CIROZ: variants seen among roughly 807,000 people sequenced by gnomAD.
The protein encoded by CIROZ is ciliated left-right organizer ZP-N domains-containing protein.
chr1:10,950,030 CTTTTTTTTTTTT>C, the CIROZ span, among the ~76,000 whole-genome samples: 2 of 101,688 alleles, frequency 2.0e-5, no homozygotes, highest in African/African-American at 8.9e-5. Context: ...CATCAAGATT[CTTTTTTTTTTTT>C]TTTTTTTTTT....
chr1:10,977,725 C>T, the CIROZ span, among the ~76,000 whole-genome samples: 1 of 152,148 alleles, frequency 6.6e-6, no homozygotes, highest in Admixed American at 6.6e-5. Context: ...GTTGCATTGC[C>T]ATAGGTTCTC....
the CIROZ span, among the ~76,000 whole-genome samples, chr1:10,967,374 T>C: frequency 2.3e-3 from 355 of 152,116 alleles, 3 homozygotes; most frequent in African/African-American, 8.2e-3. Flanking sequence ...AACTCTCTTC[T>C]CCTAGATATC....
At chr1:10,965,890 T>C in the CIROZ span, among the ~76,000 whole-genome samples, 9 of 152,026 alleles carry the variant, frequency 5.9e-5, no homozygotes, top group African/African-American at 2.2e-4. Flanking sequence ...TCACATGGTC[T>C]CGTGAGCCCA....
the CIROZ span, among the ~76,000 whole-genome samples, chr1:10,978,727 C>A: frequency 6.6e-6 from 1 of 151,902 alleles, no homozygotes; most frequent in Non-Finnish European, 1.5e-5. Flanking sequence ...AAGAAAGAGT[C>A]CCATGCAAAG....
the CIROZ span, chr1:10,957,546 A>G: frequency 1.3e-6 from 2 of 1,578,360 alleles, 1 homozygote; most frequent in South Asian, 2.3e-5. Flanking sequence ...AGGGGTGGCA[A>G]CCTGCTCTTC....
chr1:10,947,669 T>G, the CIROZ span: 5 of 1,498,672 alleles, frequency 3.3e-6, no homozygotes, highest in Non-Finnish European at 4.5e-6. Flanking sequence ...AGGCTCAGCG[T>G]GAGGGCCTCT....
At chr1:10,974,521 G>A in the CIROZ span, among the ~76,000 whole-genome samples, 7 of 152,254 alleles carry the variant, frequency 4.6e-5, no homozygotes, top group Admixed American at 1.3e-4. The surrounding 1 kb of genome is among the most constrained non-coding windows in gnomAD (Gnocchi z 4.4). Flanking sequence ...TGAACACTCC[G>A]TGGGAAGACC....
chr1:10,951,578 A>G, the CIROZ span, among the ~76,000 whole-genome samples: 1 of 150,776 alleles, frequency 6.6e-6, no homozygotes, highest in African/African-American at 2.4e-5. Context: ...TTTAAAAACT[A>G]GCTTGGTATG....
At chr1:10,947,635 G>C in the CIROZ span, 1 of 1,445,630 alleles carries the variant, frequency 6.9e-7, no homozygotes, top group South Asian at 1.6e-5. Context: ...GGTGCACCCA[G>C]GACTCACCCT....
At chr1:10,954,938 G>C in the CIROZ span, 1 of 1,528,264 alleles carries the variant, frequency 6.5e-7, no homozygotes, top group Admixed American at 1.9e-5. Flanking sequence ...GACCAAAGGA[G>C]AAGGGCCTCA....
chr1:10,949,830 C>T, the CIROZ span: 4 of 1,529,688 alleles, frequency 2.6e-6, no homozygotes, highest in East Asian at 2.5e-5. Flanking sequence ...AGAGAGAAGA[C>T]AGAGGTCAGC....
chr1:10,969,610 A>G, the CIROZ span, among the ~76,000 whole-genome samples: 1 of 152,140 alleles, frequency 6.6e-6, no homozygotes. Flanking sequence ...ACAAATATTT[A>G]TTGGGAATCT....
chr1:10,980,682 G>A, the CIROZ span, among the ~76,000 whole-genome samples: 5 of 152,190 alleles, frequency 3.3e-5, no homozygotes, highest in Non-Finnish European at 5.9e-5. Flanking sequence ...GGTGGCAGGT[G>A]GGGGGTAGAC....
chr1:10,972,755 A>G, the CIROZ span, among the ~76,000 whole-genome samples: 1 of 152,102 alleles, frequency 6.6e-6, no homozygotes, highest in Non-Finnish European at 1.5e-5. Context: ...AGCAACTGGG[A>G]AGTAAATTCT....
At chr1:10,962,972 T>C in the CIROZ span, among the ~76,000 whole-genome samples, 8 of 151,818 alleles carry the variant, frequency 5.3e-5, no homozygotes, top group African/African-American at 1.7e-4. Flanking sequence ...ATTTGAACAT[T>C]AGCTGGGCAT....
the CIROZ span, chr1:10,970,157 A>AAGG: frequency 1.5e-6 from 2 of 1,335,966 alleles, no homozygotes; most frequent in East Asian, 5.2e-5. Flanking sequence ...AGGAAGGAAG[A>AAGG]AAGGAAGGAA....
the CIROZ span, among the ~76,000 whole-genome samples, chr1:10,951,609 C>A: frequency 6.6e-6 from 1 of 150,874 alleles, no homozygotes; most frequent in African/African-American, 2.4e-5. Flanking sequence ...CCTATAATCC[C>A]AGCTACTCAG....
the CIROZ span, among the ~76,000 whole-genome samples, chr1:10,979,929 C>T: frequency 6.6e-6 from 1 of 152,112 alleles, no homozygotes; most frequent in Non-Finnish European, 1.5e-5. Context: ...TGCCTGTAAT[C>T]CCAGCTACTC....
chr1:10,960,987 T>G, the CIROZ span, among the ~76,000 whole-genome samples: 1 of 151,818 alleles, frequency 6.6e-6, no homozygotes, highest in African/African-American at 2.4e-5. The surrounding 1 kb of genome is among the most constrained non-coding windows in gnomAD (Gnocchi z 4.6). Context: ...CGACTCTGTT[T>G]ACGGATGCAG....
Sources: gnomAD v4.1 joint callset for allele counts (sites outside exome capture counted in the v4.1 genomes callset) on GRCh38, gnomAD v4.1.1 for gene constraint, Gnocchi (gnomAD v3.1) non-coding constraint, MANE v1.5 for transcripts, NCBI Gene and HGNC (gene_info 2026-07-23, HGNC 2026-07-21) for gene names.